The following CARF variants were observed in gnomAD, a reference collection of about 807,000 sequenced individuals.
The protein encoded by CARF is calcium responsive transcription factor, also known as calcium-responsive transcription factor.
A neutral mutation model predicts 82.0 loss-of-function variants in CARF; 57 were observed. That is an observed-to-expected ratio of 0.70 (90% CI 0.56 to 0.87). The LOEUF (loss-of-function observed/expected upper bound fraction) is 0.87. CARF is among the 40% of genes least tolerant of loss of function. The probability of loss-of-function intolerance (pLI) is 0.00; values close to 1 mark genes in which losing one functional copy is unlikely to be tolerated. For synonymous variants in CARF, 268 were observed against 290.1 expected (o/e 0.92, Z 0.77); for missense variants, 771 against 855.8 (o/e 0.90, Z 1.24).
At chr2:202,938,167 T>C (rs1694253669) in intron 3 of CARF, 1 of 152,318 alleles carries the variant, frequency 6.6e-6, no homozygotes, top group South Asian at 2.1e-4. Flanking sequence ...TACCCTGTTG[T>C]GCTATCAAAT....
intron 14 of CARF, among the ~76,000 whole-genome samples, chr2:202,980,662 A>ATATATATATATATATATATAT (rs2060223733): frequency 8.7e-6 from 1 of 115,066 alleles, no homozygotes; most frequent in Non-Finnish European, 1.8e-5. Flanking sequence ...ATATATATAT[A>ATATATATATATATATATATAT]GTTGTGCCTC....
rs144239462 is a variant in CARF, at chr2:202,925,263, G to C, written c.-44+848G>C. Reference sequence around the variant, plus strand: ...ATGTAGCTTACATGAACAAGGTAGAGCTGGAATCTCACCTGGAAGAGCTGA... The same window carrying C: ...ATGTAGCTTACATGAACAAGGTAGACCTGGAATCTCACCTGGAAGAGCTGA... On this transcript the variant is annotated intron_variant, in intron 3 of 16. Coordinates refer to ENST00000438828, the MANE Select transcript of CARF (RefSeq NM_024744.17). 4.4e-5 allele frequency: 16 copies of C among 360,096 alleles called. No homozygotes were observed. The East Asian group carries it at 1.1e-3, about 24-fold the overall frequency. 22.3% of individuals were successfully genotyped at this position (360,096 alleles called of 1,614,324 possible). A position where few individuals can be genotyped will look rare whatever the true frequency, so the allele number is the denominator to read the frequency against.
chr2:202,952,979 T>C (rs2058825760), intron 6 of CARF, among the ~76,000 whole-genome samples: 2 of 152,052 alleles, frequency 1.3e-5, no homozygotes, highest in African/African-American at 4.8e-5. Flanking sequence ...ACAGCAACAA[T>C]AGCAAGAATA....
intron 7 of CARF, among the ~76,000 whole-genome samples, chr2:202,954,567 G>C (rs1260089354): frequency 6.6e-6 from 1 of 151,726 alleles, no homozygotes; most frequent in Non-Finnish European, 1.5e-5. Flanking sequence ...ACAAAAATTA[G>C]CTGGGTGTGG....
chr2:202,914,123 T>G (rs1479921501), intron 1 of CARF, among the ~76,000 whole-genome samples: 3 of 152,200 alleles, frequency 2.0e-5, no homozygotes, highest in Non-Finnish European at 4.4e-5. Context: ...TTACTTTGAG[T>G]CTTTTTCTTT....
chr2:202,970,963 T>C (rs1271201089), intron 11 of CARF, among the ~76,000 whole-genome samples: 1 of 152,002 alleles, frequency 6.6e-6, no homozygotes, highest in African/African-American at 2.4e-5. Flanking sequence ...AGAGGCAGTA[T>C]GTTGAGCTCC....
At chr2:202,948,302 C>T (rs2058595799) in intron 5 of CARF, among the ~76,000 whole-genome samples, 1 of 152,036 alleles carries the variant, frequency 6.6e-6, no homozygotes, top group Admixed American at 6.6e-5. Context: ...CTCCAGCTTT[C>T]TACTTTTTGC....
chr2:202,982,229 T>C lies in CARF; in HGVS notation c.1847T>C (p.Leu616Pro). ...NSLLLGQSHSLQRDTCLTQNN... is the reference protein window; with the variant it reads ...NSLLLGQSHSPQRDTCLTQNN... ...CTACTGCTTGGTCAAAGTCATAGCC[T>C]TCAAAGAGATACATGCTTAACCCAA... The change falls in exon 16 of 17, where the codon CTT becomes CCT. Residue 616 changes from leucine (L) to proline (P), a missense_variant. By Grantham distance (98) the Leu-to-Pro change is moderately conservative. Transcript: ENST00000438828. The C allele has an allele frequency of 1.9e-6, 3 of 1,614,138 alleles. No individual in the cohort carries two copies. The highest frequency in any genetic ancestry group is 2.5e-6 in the Non-Finnish European group (3 of 1,180,004).
At chr2:202,980,098 C>T (rs1025671310) in intron 14 of CARF, among the ~76,000 whole-genome samples, 8 of 152,156 alleles carry the variant, frequency 5.3e-5, no homozygotes, top group African/African-American at 1.9e-4. Context: ...GCTGGGACTA[C>T]AGGCACATGC....
chr2:202,939,391 A>T (rs987865631), intron 3 of CARF, among the ~76,000 whole-genome samples: 1 of 152,220 alleles, frequency 6.6e-6, no homozygotes, highest in Non-Finnish European at 1.5e-5. Flanking sequence ...CTTTCAACTT[A>T]TAATAGTTTC....
chr2:202,973,536 T>G, intron 12 of CARF: 1 of 399,954 alleles, frequency 2.5e-6, no homozygotes, highest in South Asian at 1.9e-5. Flanking sequence ...TGTAACATGA[T>G]GTTTACGCAC....
intron 3 of CARF, chr2:202,938,448 T>A (rs1467763382): frequency 6.6e-6 from 1 of 152,006 alleles, no homozygotes; most frequent in Non-Finnish European, 1.5e-5. Context: ...TTTTTTTATT[T>A]TTAGCAGAGA....
At chr2:202,920,407 G>A (rs564703353) in intron 2 of CARF, among the ~76,000 whole-genome samples, 4 of 152,042 alleles carry the variant, frequency 2.6e-5, no homozygotes, top group South Asian at 2.1e-4. Context: ...CGCCCGCCTC[G>A]GCCTCCCAAA....
chr2:202,968,102 A>G (rs2105903889), intron 10 of CARF, among the ~76,000 whole-genome samples: 1 of 152,284 alleles, frequency 6.6e-6, no homozygotes, highest in African/African-American at 2.4e-5. Context: ...ATCTCACATT[A>G]TAAATACCTT....
At chr2:202,928,819 G>T (rs1232978324) in intron 3 of CARF, among the ~76,000 whole-genome samples, 1 of 151,940 alleles carries the variant, frequency 6.6e-6, no homozygotes, top group Admixed American at 6.6e-5. Context: ...GCTCAATCTC[G>T]GCTCACTGCA....
At chr2:202,916,985 C>T (rs1407469536) in intron 1 of CARF, among the ~76,000 whole-genome samples, 1 of 151,940 alleles carries the variant, frequency 6.6e-6, no homozygotes, top group Non-Finnish European at 1.5e-5. Flanking sequence ...CCGAGGCGGG[C>T]GGATCACGAA....
Position 202,954,050 on chromosome 2 carries a change from G to A in CARF, c.473G>A (p.Arg158Lys). The change falls in exon 7 of 17, where the codon AGA becomes AAA. Residue 158 changes from arginine (R) to lysine (K), a missense_variant. By Grantham distance (26) the Arg-to-Lys change is conservative. Coordinates refer to ENST00000438828, the MANE Select transcript of CARF (RefSeq NM_024744.17). ...AGTAACAGAAACTTACCAACTGTAA[G>A]AGTGGATACTCTAGCAGACAATACC... The part of the protein sequence containing the change: ...KPSNRNLPTV[R>K]VDTLADNTSN... 1 of 1,612,750 alleles carries A rather than the reference G, an allele frequency of 6.2e-7. No homozygotes were observed. The highest frequency in any genetic ancestry group is 8.5e-7 in the Non-Finnish European group (1 of 1,179,464).
Position 202,974,428 on chromosome 2 carries a change from A to G in CARF, c.1426A>G (p.Ile476Val), listed in dbSNP as rs1426173839. The G allele has an allele frequency of 3.7e-6, 6 of 1,608,802 alleles. No homozygotes were observed. Among genetic ancestry groups the G allele is most frequent in the Non-Finnish European group, 4.2e-6 (5 of 1,178,728 alleles). Residue 476 changes from isoleucine (I) to valine (V), a missense_variant, in exon 13 of 17, where the codon ATC becomes GTC. By Grantham distance (29) the Ile-to-Val change is conservative (BLOSUM62 3). Coordinates refer to ENST00000438828, the MANE Select transcript of CARF (RefSeq NM_024744.17). The part of the protein sequence containing the change: ...FPTVNDIKNH[I>V]HEVQKSLRNG... Reference sequence around the variant, plus strand: ...AACTGTAAATGATATAAAAAATCACATCCATGAGGTACAGAAATCCTTGAG... The same window carrying G: ...AACTGTAAATGATATAAAAAATCACGTCCATGAGGTACAGAAATCCTTGAG...
chr2:202,975,249 A>T (rs546691801), intron 13 of CARF, among the ~76,000 whole-genome samples: 4 of 152,226 alleles, frequency 2.6e-5, no homozygotes, highest in South Asian at 4.1e-4. Context: ...AGGTCAGAAG[A>T]TAAAGACCAT....
Sources: gnomAD v4.1 joint callset for allele counts (sites outside exome capture counted in the v4.1 genomes callset) on GRCh38, gnomAD v4.1.1 for gene constraint, MANE v1.5 for transcripts, NCBI Gene and HGNC (gene_info 2026-07-23, HGNC 2026-07-21) for gene names.